LMLN: variants seen among roughly 807,000 people sequenced by gnomAD.
The protein encoded by LMLN is leishmanolysin-like peptidase.
A neutral mutation model predicts 92.3 loss-of-function variants in LMLN; 70 were observed. That is an observed-to-expected ratio of 0.76 (90% CI 0.63 to 0.92). LMLN has a LOEUF of 0.92. Among genes scored for constraint, LMLN ranks in the 40% least tolerant of loss-of-function variants. LMLN has a pLI of 0.00. For synonymous variants in LMLN, 308 were observed against 296.2 expected, an observed-to-expected ratio of 1.04 and a Z score of -0.41; for missense variants, 691 against 814.6, an observed-to-expected ratio of 0.85 and a Z score of 1.85.
exon 16 of LMLN, chr3:198,038,921 CTCG>C (rs1723315231): frequency 5.9e-6 from 2 of 338,914 alleles, no homozygotes; most frequent in Admixed American, 4.4e-5. Context: ...ACCCAACCAC[CTCG>C]TCAGCAACCC....
intron 11 of LMLN, among the ~76,000 whole-genome samples, chr3:198,018,175 C>G (rs1722690093): frequency 6.6e-6 from 1 of 152,120 alleles, no homozygotes; most frequent in Non-Finnish European, 1.5e-5. Flanking sequence ...ATATAATATG[C>G]CTTTTGGTTT....
chr3:197,991,325 C>T (rs1721863014), intron 9 of LMLN, among the ~76,000 whole-genome samples: 1 of 151,838 alleles, frequency 6.6e-6, no homozygotes, highest in Admixed American at 6.6e-5. Context: ...AGGCTGGTCT[C>T]GATCTCCTGG....
chr3:197,995,602 C>T (rs1721995284), intron 9 of LMLN, among the ~76,000 whole-genome samples: 1 of 151,674 alleles, frequency 6.6e-6, no homozygotes, highest in African/African-American at 2.4e-5. Flanking sequence ...AGGTGATGGC[C>T]AAAGGGTACA....
At chr3:197,977,951 C>G (rs1245818268) in intron 5 of LMLN, among the ~76,000 whole-genome samples, 1 of 151,480 alleles carries the variant, frequency 6.6e-6, no homozygotes, top group African/African-American at 2.4e-5. Flanking sequence ...CACGTTAAAT[C>G]TGGATACATA....
At chr3:198,039,294 A>G (rs73213900) in exon 16 of LMLN, 2 of 153,764 alleles carry the variant, frequency 1.3e-5, no homozygotes, top group Admixed American at 6.4e-5. Context: ...TTAACATACA[A>G]CAATGGGAAA....
chr3:198,016,194 CAAAAAAAA>C (rs202075630), intron 11 of LMLN, among the ~76,000 whole-genome samples: 5 of 83,874 alleles, frequency 6.0e-5, no homozygotes, highest in Non-Finnish European at 7.3e-5. Context: ...GTTGCAAAAA[CAAAAAAAA>C]AAAAAAAAAA....
At chr3:197,975,351 A>AATAG (rs142975453) in intron 3 of LMLN, among the ~76,000 whole-genome samples, 9,813 of 152,164 alleles carry the variant, frequency 0.064, 367 homozygotes, top group African/African-American at 0.099. Context: ...TCATGCAGAG[A>AATAG]ATAGGGTGAA....
Position 198,019,809 on chromosome 3 carries a change from G to A in LMLN, c.1365+424G>A, listed in dbSNP as rs1022001390. 3.3e-5 allele frequency among the ~76,000 whole-genome samples: 5 copies of A among 152,154 alleles called. No individual in the cohort carries two copies. The highest frequency in any genetic ancestry group is 1.2e-4 in the African/African-American group (5 of 41,438). On this transcript the variant is annotated intron_variant, in intron 12 of 15. Coordinates refer to ENST00000330198, the Ensembl canonical transcript of LMLN. The surrounding 1 kb of genome is among the most constrained non-coding windows in gnomAD (Gnocchi z 5.5). ...ATGGGATCTGAAAGATTAAGGAAAT[G>A]GTCCCACATATCTTGTCTGGATCTC...
chr3:198,028,352 A>G (rs1219913767), intron 14 of LMLN, among the ~76,000 whole-genome samples: 1 of 152,246 alleles, frequency 6.6e-6, no homozygotes, highest in Non-Finnish European at 1.5e-5. Flanking sequence ...CCTGTAGGAT[A>G]TTCGTCCATA....
chr3:198,026,467 G>A (rs950583126), intron 14 of LMLN, among the ~76,000 whole-genome samples: 3 of 151,646 alleles, frequency 2.0e-5, no homozygotes, highest in Non-Finnish European at 2.9e-5. Context: ...ACAGGCATGC[G>A]CCACCATACC....
chr3:198,019,251 A>C lies in LMLN; in HGVS notation c.1233-2A>C. The C allele has an allele frequency of 6.2e-7, 1 of 1,609,610 alleles. No individual in the cohort carries two copies. Among genetic ancestry groups the C allele is most frequent in the Non-Finnish European group, 8.5e-7 (1 of 1,178,878 alleles). On this transcript the variant is annotated splice_acceptor_variant, in intron 11 of 15. Transcript: ENST00000330198. LOFTEE classifies it high-confidence loss of function. This position sits in a 1 kb window ranked among gnomAD's most constrained non-coding sequence, Gnocchi z 5.5. ...TACCATGGTACTTCTCTTTGTTTGC[A>C]GGAGACAGATGCTGAGCCCTTACTG...
chr3:198,013,513 T>A, intron 11 of LMLN, among the ~76,000 whole-genome samples: 2 of 102,266 alleles, frequency 2.0e-5, no homozygotes, highest in Admixed American at 9.6e-5. Flanking sequence ...CTTCAGAGCC[T>A]CCTAACTAGT....
At chr3:197,986,406 G>C (rs1382922928) in intron 8 of LMLN, among the ~76,000 whole-genome samples, 3 of 152,218 alleles carry the variant, frequency 2.0e-5, no homozygotes, top group Non-Finnish European at 2.9e-5. Flanking sequence ...GCTACAGTGA[G>C]CTGTGATGAC....
intron 14 of LMLN, among the ~76,000 whole-genome samples, chr3:198,033,876 G>A (rs1723142481): frequency 6.6e-6 from 1 of 152,190 alleles, no homozygotes; most frequent in South Asian, 2.1e-4. Context: ...ACTTGATGTG[G>A]ATCACGGAGT....
intron 7 of LMLN, among the ~76,000 whole-genome samples, chr3:197,984,871 C>T (rs1423604699): frequency 1.3e-5 from 2 of 151,602 alleles, no homozygotes; most frequent in African/African-American, 4.8e-5. Context: ...AGATGGGGGT[C>T]TCGCCATGTT....
intron 1 of LMLN, among the ~76,000 whole-genome samples, chr3:197,965,760 A>G (rs1416704867): frequency 3.3e-5 from 5 of 152,142 alleles, no homozygotes; most frequent in Non-Finnish European, 7.3e-5. Context: ...CAAAAAATAC[A>G]AAAATTAGTT....
intron 11 of LMLN, among the ~76,000 whole-genome samples, chr3:198,008,034 G>C (rs1722339005): frequency 1.3e-5 from 2 of 152,030 alleles, no homozygotes; most frequent in African/African-American, 4.8e-5. Flanking sequence ...GGACTTCATT[G>C]GTTGATTTTC....
intron 1 of LMLN, among the ~76,000 whole-genome samples, chr3:197,969,400 C>T (rs1218139767): frequency 6.6e-6 from 1 of 152,046 alleles, no homozygotes; most frequent in African/African-American, 2.4e-5. Context: ...CAAATATTAA[C>T]TTGTAATTTT....
intron 11 of LMLN, among the ~76,000 whole-genome samples, chr3:198,002,282 T>C (rs1722195300): frequency 6.6e-6 from 1 of 151,986 alleles, no homozygotes; most frequent in Admixed American, 6.6e-5. Flanking sequence ...TACACACCAC[T>C]GCACACCTGG....
Sources: gnomAD v4.1 joint callset for allele counts (sites outside exome capture counted in the v4.1 genomes callset) on GRCh38, gnomAD v4.1.1 for gene constraint, Gnocchi (gnomAD v3.1) non-coding constraint, MANE v1.5 for transcripts, NCBI Gene and HGNC (gene_info 2026-07-23, HGNC 2026-07-21) for gene names.